Variants in RAB18 observed in about 807,000 individuals in gnomAD.
The protein encoded by RAB18 is ras-related protein Rab-18.
RAB18 carries 10 observed loss-of-function variants against 28.5 expected under a neutral mutation model. That is an observed-to-expected ratio of 0.35 (90% CI 0.22 to 0.60). The LOEUF (loss-of-function observed/expected upper bound fraction) is 0.60, where lower values mean the gene tolerates loss of function less well. Ranked by LOEUF, RAB18 falls within the 20% of genes least tolerant of loss-of-function variation. The pLI is 0.78. For missense variants in RAB18, 188 were observed against 244.2 expected (o/e 0.77, Z 1.53); for synonymous variants, 93 against 86.9 (o/e 1.07, Z -0.39).
intron 3 of RAB18, among the ~76,000 whole-genome samples, chr10:27,530,820 A>G (rs1186972951): frequency 2.0e-5 from 3 of 151,596 alleles, no homozygotes; most frequent in Non-Finnish European, 4.4e-5. Flanking sequence ...TTTCCCTGCA[A>G]ATTTGGGTTT....
intron 6 of RAB18, among the ~76,000 whole-genome samples, chr10:27,536,628 A>G (rs1350874628): frequency 2.0e-5 from 3 of 152,208 alleles, no homozygotes; most frequent in Non-Finnish European, 4.4e-5. Flanking sequence ...AGTGCCAGCA[A>G]ACAAGGCTGC....
chr10:27,514,809 C>T (rs553273639), intron 2 of RAB18, among the ~76,000 whole-genome samples: 13 of 150,408 alleles, frequency 8.6e-5, no homozygotes, highest in African/African-American at 1.7e-4. Flanking sequence ...CTTGTTCTGT[C>T]GCCAGGTTGG....
intron 3 of RAB18, among the ~76,000 whole-genome samples, chr10:27,531,073 G>A (rs911581631): frequency 1.3e-5 from 2 of 152,064 alleles, no homozygotes; most frequent in Non-Finnish European, 2.9e-5. Flanking sequence ...CTTAGAGGCA[G>A]AGAGAATTTT....
At chr10:27,534,123 A>C (rs1834845929) in intron 6 of RAB18, 129 bp downstream of exon 6, 2 of 816,504 alleles carry the variant, frequency 2.4e-6, no homozygotes. Context: ...GCCTTGTGTT[A>C]CAAAATCTAA....
At chr10:27,531,262 A>G (rs1042741035) in intron 3 of RAB18, among the ~76,000 whole-genome samples, 1 of 151,986 alleles carries the variant, frequency 6.6e-6, no homozygotes, top group Non-Finnish European at 1.5e-5. Flanking sequence ...TGAATGTTCA[A>G]AGTGGTTTAC....
chr10:27,511,328 A>T (rs368085286), intron 2 of RAB18, among the ~76,000 whole-genome samples: 4 of 152,162 alleles, frequency 2.6e-5, no homozygotes, highest in South Asian at 4.1e-4. Flanking sequence ...TCAGCCACCC[A>T]AGTAGCTGGG....
Position 27,540,397 on chromosome 10 carries a change from A to G in RAB18, c.*2346A>G, listed in dbSNP as rs555137209. 4.4e-6 allele frequency: 2 copies of G among 454,090 alleles called. No homozygotes were observed. The highest frequency in any genetic ancestry group is 1.6e-5 in the South Asian group (1 of 64,478). 28.1% of individuals were successfully genotyped at this position (454,090 alleles called of 1,614,324 possible). On this transcript the variant is annotated 3_prime_UTR_variant, in exon 7 of 7. Coordinates refer to ENST00000356940, the MANE Select transcript of RAB18 (RefSeq NM_021252.5). ...TACTTCTGAGCCCATACTCTTCACC[A>G]TCGCTCATTTTACAATGGGTAGTTA...
At chr10:27,531,568 A>G (rs1204299353) in intron 3 of RAB18, 1 of 1,345,828 alleles carries the variant, frequency 7.4e-7, no homozygotes, top group Non-Finnish European at 1.0e-6. Flanking sequence ...TTTCTTAAAG[A>G]GCCAGATAGG....
chr10:27,531,896 A>G (rs1834795927), intron 3 of RAB18, among the ~76,000 whole-genome samples: 1 of 151,974 alleles, frequency 6.6e-6, no homozygotes, highest in Admixed American at 6.6e-5. Context: ...GCTTTATGAA[A>G]TTTACATTTT....
chr10:27,540,166 GTTAA>G lies in RAB18; in HGVS notation c.*2117_*2120del. On this transcript the variant is annotated 3_prime_UTR_variant, in exon 7 of 7. Coordinates refer to ENST00000356940, the MANE Select transcript of RAB18 (RefSeq NM_021252.5). ...AAAACTATTCAATTTCTGAGTAATA[GTTAA>G]TATTTATTGAAAGCTTCCTTGGTGC... 2.2e-6 allele frequency: 1 copy of G among 454,034 alleles called. No individual in the cohort carries two copies. The highest frequency in any genetic ancestry group is 4.4e-6 in the Non-Finnish European group (1 of 226,766). The allele number at this position is 454,034 out of a possible 1,614,324, so 28.1% of individuals were successfully genotyped here.
In RAB18 at chr10:27,520,916, CAAAAAAAAAA is replaced by C. The variant is rs58688075; in HGVS notation, c.125-5896_125-5887del. Among the ~76,000 whole-genome samples the C allele has an allele frequency of 1.3e-3, 51 of 40,096 alleles. No homozygotes were observed. The South Asian group carries it at 0.036, about 29-fold the overall frequency. The allele number at this position is 40,096 out of a possible 152,430, so 26.3% of individuals were successfully genotyped here. On this transcript the variant is annotated intron_variant, in intron 2 of 6. Coordinates refer to ENST00000356940, the MANE Select transcript of RAB18 (RefSeq NM_021252.5). Reference sequence around the variant, plus strand: ...TGGGTGACAGAGCAAGACTCCATCTCAAAAAAAAAAAAAAAAAAAAAAAAAGAAAATTTTT... The same window carrying C: ...TGGGTGACAGAGCAAGACTCCATCTCAAAAAAAAAAAAAAAGAAAATTTTT...
intron 2 of RAB18, among the ~76,000 whole-genome samples, chr10:27,513,794 G>A (rs1477321257): frequency 1.3e-5 from 2 of 152,166 alleles, no homozygotes; most frequent in Non-Finnish European, 2.9e-5. Flanking sequence ...CCCCCCTGAG[G>A]TATAAAACCT....
intron 3 of RAB18, chr10:27,528,345 T>A (rs765754189): frequency 5.1e-5 from 25 of 486,748 alleles, no homozygotes; most frequent in Non-Finnish European, 8.7e-5. Flanking sequence ...GTAAGAATAA[T>A]ACAGGGTCAT....
chr10:27,515,449 A>G (rs1834419125), intron 2 of RAB18, among the ~76,000 whole-genome samples: 1 of 152,214 alleles, frequency 6.6e-6, no homozygotes, highest in African/African-American at 2.4e-5. Context: ...TTCTTAATCT[A>G]TTTTAAGACT....
chr10:27,507,721 G>A (rs561951654), intron 1 of RAB18, among the ~76,000 whole-genome samples: 1 of 151,964 alleles, frequency 6.6e-6, no homozygotes, highest in African/African-American at 2.4e-5. Flanking sequence ...GAAAATATGA[G>A]GGTGTAAATA....
intron 1 of RAB18, 117 bp downstream of exon 1, chr10:27,504,554 C>T: frequency 2.5e-6 from 3 of 1,195,644 alleles, no homozygotes; most frequent in Non-Finnish European, 2.4e-6. Flanking sequence ...GGGCCGGCTC[C>T]GCTCGCGCCC....
intron 2 of RAB18, among the ~76,000 whole-genome samples, chr10:27,521,910 C>T (rs1385364643): frequency 6.6e-6 from 1 of 151,806 alleles, no homozygotes; most frequent in African/African-American, 2.4e-5. Flanking sequence ...GTGATGTGCT[C>T]TGGTTCTGCA....
At chr10:27,510,208 A>C (rs544691217) in intron 2 of RAB18, 2 of 451,040 alleles carry the variant, frequency 4.4e-6, no homozygotes, top group Non-Finnish European at 8.1e-6. Context: ...TATACTATGG[A>C]TTGTCTTTTA....
At chr10:27,514,764 TG>T (rs1187168981) in intron 2 of RAB18, among the ~76,000 whole-genome samples, 2 of 152,002 alleles carry the variant, frequency 1.3e-5, no homozygotes, top group Non-Finnish European at 2.9e-5. Flanking sequence ...CAAGTTTTTT[TG>T]TTTTTTTGTT....
Sources: gnomAD v4.1 joint callset for allele counts (sites outside exome capture counted in the v4.1 genomes callset) on GRCh38, gnomAD v4.1.1 for gene constraint, MANE v1.5 for transcripts, NCBI Gene and HGNC (gene_info 2026-07-23, HGNC 2026-07-21) for gene names.